The following NFIA variants were observed in gnomAD, a reference collection of about 807,000 sequenced individuals.
NFIA encodes nuclear factor I A.
In NFIA, 8 loss-of-function variants were observed where a neutral mutation model predicts 62.8. The observed-to-expected ratio is 0.13, with a 90% CI of 0.07 to 0.23. The LOEUF is 0.23. Ranked by LOEUF, NFIA falls within the 10% of genes least tolerant of loss-of-function variation. The pLI, the probability that NFIA is intolerant of heterozygous loss-of-function variation, is 1.00. For synonymous variants in NFIA, 235 were observed against 238.1 expected (o/e 0.99, Z 0.12); for missense variants, 410 against 642.1 (o/e 0.64, Z 3.91).
intron 2 of NFIA, among the ~76,000 whole-genome samples, chr1:61,247,752 T>G (rs181140087): frequency 8.5e-5 from 13 of 152,272 alleles, no homozygotes; most frequent in Admixed American, 7.2e-4. Context: ...TTGGGTTCCT[T>G]GCAGCCATCA....
At chr1:61,235,048 A>G (rs1654908292) in intron 2 of NFIA, among the ~76,000 whole-genome samples, 1 of 152,170 alleles carries the variant, frequency 6.6e-6, no homozygotes, top group African/African-American at 2.4e-5. Context: ...TTTTCTTAAG[A>G]AAGAAGCTAT....
At chr1:61,169,288 C>T (rs1205194836) in intron 2 of NFIA, among the ~76,000 whole-genome samples, 1 of 152,132 alleles carries the variant, frequency 6.6e-6, no homozygotes, top group Non-Finnish European at 1.5e-5. Context: ...ATATTTACTC[C>T]TTTTTCCTTC....
At chr1:61,268,722 G>A (rs1385850821) in intron 2 of NFIA, among the ~76,000 whole-genome samples, 1 of 152,160 alleles carries the variant, frequency 6.6e-6, no homozygotes, top group African/African-American at 2.4e-5. Flanking sequence ...CAGAAATTGA[G>A]AGCCTTTGAA....
intron 3 of NFIA, among the ~76,000 whole-genome samples, chr1:61,299,808 A>C (rs1203197549): frequency 6.6e-6 from 1 of 152,188 alleles, no homozygotes; most frequent in African/African-American, 2.4e-5. Context: ...ATTAGTGAAT[A>C]GCTAAGTTGT....
chr1:61,285,103 G>A (rs994954501), intron 3 of NFIA, among the ~76,000 whole-genome samples: 1 of 152,152 alleles, frequency 6.6e-6, no homozygotes, highest in Non-Finnish European at 1.5e-5. Flanking sequence ...AAATCACAGT[G>A]CGGTAGAAGG....
chr1:61,149,911 A>G (rs1422234722), intron 2 of NFIA, among the ~76,000 whole-genome samples: 3 of 152,196 alleles, frequency 2.0e-5, no homozygotes, highest in African/African-American at 7.2e-5. Context: ...AGTAAGGACA[A>G]GCTTACAGGT....
intron 2 of NFIA, among the ~76,000 whole-genome samples, chr1:61,093,127 G>A (rs1450786931): frequency 1.3e-5 from 2 of 152,038 alleles, no homozygotes; most frequent in Admixed American, 6.5e-5. Context: ...ACATTAGTTT[G>A]AGGCAACATT....
chr1:61,310,010 T>G (rs1660013325), intron 3 of NFIA, among the ~76,000 whole-genome samples: 1 of 152,258 alleles, frequency 6.6e-6, no homozygotes, highest in South Asian at 2.1e-4. Context: ...GGAAGTCTGT[T>G]TTTAAAGCCA....
intron 7 of NFIA, among the ~76,000 whole-genome samples, chr1:61,393,244 C>CTCTCT (rs1665079310): frequency 1.3e-3 from 38 of 29,084 alleles, no homozygotes; most frequent in Non-Finnish European, 1.5e-3. Context: ...TCGCCCTCTC[C>CTCTCT]CTCTCTCTCT....
intron 2 of NFIA, among the ~76,000 whole-genome samples, chr1:61,109,206 A>G (rs1348590729): frequency 6.6e-6 from 1 of 151,924 alleles, no homozygotes; most frequent in Non-Finnish European, 1.5e-5. Flanking sequence ...GAAGACAACT[A>G]TTAAGAGTAG....
intron 6 of NFIA, among the ~76,000 whole-genome samples, chr1:61,364,662 C>T (rs4406666): frequency 0.88 from 133,538 of 152,236 alleles, 58,598 homozygotes; most frequent in East Asian, 0.95. Flanking sequence ...TTTAAAAAAA[C>T]AAATAATAAT....
At chr1:61,450,880 T>C (rs1251585106) in intron 10 of NFIA, among the ~76,000 whole-genome samples, 3 of 152,244 alleles carry the variant, frequency 2.0e-5, no homozygotes. Context: ...CTCAGACATT[T>C]TTCTTTTTCC....
At chr1:61,384,878 C>T (rs959015655) in intron 7 of NFIA, among the ~76,000 whole-genome samples, 11 of 152,082 alleles carry the variant, frequency 7.2e-5, no homozygotes, top group African/African-American at 2.7e-4. Flanking sequence ...ACCAGTGGTT[C>T]CTGTCCTCAT....
chr1:61,452,588 C>T (rs2100590413), intron 10 of NFIA, among the ~76,000 whole-genome samples: 1 of 152,282 alleles, frequency 6.6e-6, no homozygotes, highest in South Asian at 2.1e-4. Context: ...CAGGGCAGCT[C>T]AGCCCCTCTG....
At chr1:61,165,679 G>C (rs1649521223) in intron 2 of NFIA, among the ~76,000 whole-genome samples, 1 of 152,238 alleles carries the variant, frequency 6.6e-6, no homozygotes, top group Admixed American at 6.5e-5. Flanking sequence ...AAATATTTCT[G>C]CCAATTTGGT....
intron 2 of NFIA, among the ~76,000 whole-genome samples, chr1:61,164,332 CTT>C (rs1460417606): frequency 2.0e-5 from 3 of 152,096 alleles, no homozygotes; most frequent in African/African-American, 7.2e-5. Context: ...AAAGTGAAAA[CTT>C]TTCCAGAAAC....
chr1:61,228,574 T>G (rs980089526), intron 2 of NFIA, among the ~76,000 whole-genome samples: 7 of 152,216 alleles, frequency 4.6e-5, no homozygotes, highest in Non-Finnish European at 7.3e-5. Flanking sequence ...TTCCAGAAAC[T>G]ATGAGATTTA....
At chr1:61,120,843 G>A (rs1646875627) in intron 2 of NFIA, among the ~76,000 whole-genome samples, 1 of 152,032 alleles carries the variant, frequency 6.6e-6, no homozygotes, top group African/African-American at 2.4e-5. Flanking sequence ...AAATTTCTGG[G>A]GCATAAGATC....
chr1:61,420,222 A>G (rs779435797), intron 9 of NFIA, among the ~76,000 whole-genome samples: 6 of 152,238 alleles, frequency 3.9e-5, no homozygotes, highest in African/African-American at 1.4e-4. Context: ...AAACACTCCA[A>G]TACTTTCTAG....
Sources: gnomAD v4.1 joint callset for allele counts (sites outside exome capture counted in the v4.1 genomes callset) on GRCh38, gnomAD v4.1.1 for gene constraint, MANE v1.5 for transcripts, NCBI Gene and HGNC (gene_info 2026-07-23, HGNC 2026-07-21) for gene names.